CEP112: variants seen among roughly 807,000 people sequenced by gnomAD.
CEP112 encodes centrosomal protein of 112 kDa.
A neutral mutation model predicts 153.0 loss-of-function variants in CEP112; 127 were observed. That is an observed-to-expected ratio of 0.83 (90% CI 0.72 to 0.96). The LOEUF is 0.96. Among genes scored for constraint, CEP112 ranks in the 40% least tolerant of loss-of-function variants. The pLI, the probability that CEP112 is intolerant of heterozygous loss-of-function variation, is 0.00. For missense variants in CEP112, 1,089 were observed against 1,101.2 expected, an observed-to-expected ratio of 0.99 and a Z score of 0.16; for synonymous variants, 358 against 374.4, an observed-to-expected ratio of 0.96 and a Z score of 0.51.
rs116987614 is a variant in CEP112 at position 65,685,914 on chromosome 17, C to T, written c.2697+3215G>A. On this transcript the variant is annotated intron_variant, in intron 24 of 26. Transcript: ENST00000535342. ...TCTCAAACTCCTAACCTCAGGTGAT[C>T]GGCTTTCCAAAGTGCTGGTATTACA... 2.4e-3 allele frequency among the ~76,000 whole-genome samples: 361 copies of T among 152,102 alleles called. 8 individuals are homozygous for T. The East Asian group carries it at 0.046, about 20-fold the overall frequency.
chr17:65,970,919 G>T (rs2062738831), intron 17 of CEP112, among the ~76,000 whole-genome samples: 1 of 89,710 alleles, frequency 1.1e-5, no homozygotes, highest in Non-Finnish European at 2.3e-5. Context: ...TATGTTGCAT[G>T]TATGCAGTTA....
At chr17:66,097,581 C>A (rs917560202) in intron 6 of CEP112, among the ~76,000 whole-genome samples, 2 of 152,138 alleles carry the variant, frequency 1.3e-5, no homozygotes, top group African/African-American at 4.8e-5. Flanking sequence ...ATCCTATGTC[C>A]ACTCTCTCAT....
intron 4 of CEP112, among the ~76,000 whole-genome samples, chr17:66,140,216 A>C (rs1347639864): frequency 6.6e-6 from 1 of 152,128 alleles, no homozygotes; most frequent in Non-Finnish European, 1.5e-5. Flanking sequence ...AGCATGACGA[A>C]ATTCAATATT....
intron 10 of CEP112, among the ~76,000 whole-genome samples, chr17:66,063,346 G>A (rs1399808701): frequency 6.6e-6 from 1 of 152,128 alleles, no homozygotes; most frequent in Admixed American, 6.6e-5. Context: ...GGAGTCCTCT[G>A]TTGCTTTGAG....
Position 66,141,935 on chromosome 17 carries a change from G to T in CEP112, c.471-9172C>A, listed in dbSNP as rs545246136. On this transcript the variant is annotated intron_variant, in intron 4 of 26. Coordinates refer to ENST00000535342, the MANE Select transcript of CEP112 (RefSeq NM_001199165.4). ...TGGATCATAAGGTAATTCTATTTTT[G>T]ATTTTTTGAGGAACTTCCACACTGT... Among the ~76,000 whole-genome samples the T allele has an allele frequency of 5.9e-5, 9 of 152,114 alleles. No homozygotes were observed. In the South Asian group the frequency reaches 1.7e-3, roughly 28 times the overall value.
intron 21 of CEP112, among the ~76,000 whole-genome samples, chr17:65,779,894 C>CTACTGAGTTTTCCATTAAACTCAG (rs949881521): frequency 8.5e-5 from 13 of 152,050 alleles, no homozygotes; most frequent in Non-Finnish European, 1.9e-4. Flanking sequence ...TATACTGGAC[C>CTACTGAGTTTTCCATTAAACTCAG]TACTGAGTTT....
At chr17:65,742,788 G>T (rs778056226) in intron 23 of CEP112, among the ~76,000 whole-genome samples, 2 of 152,224 alleles carry the variant, frequency 1.3e-5, no homozygotes, top group African/African-American at 2.4e-5. Context: ...ATTCCAAAGT[G>T]GTTCTCAAGA....
chr17:66,183,991 G>A (rs949058433), intron 1 of CEP112, among the ~76,000 whole-genome samples: 8 of 151,620 alleles, frequency 5.3e-5, no homozygotes, highest in African/African-American at 1.2e-4. Flanking sequence ...GCTCATGCCT[G>A]TAATCCCAGA....
At chr17:66,158,722 A>G (rs916863876) in intron 4 of CEP112, among the ~76,000 whole-genome samples, 14 of 152,360 alleles carry the variant, frequency 9.2e-5, no homozygotes, top group Admixed American at 6.5e-4. Flanking sequence ...GGAAATTTAT[A>G]GCACCAAATG....
intron 6 of CEP112, among the ~76,000 whole-genome samples, chr17:66,103,380 A>G (rs1464844308): frequency 6.6e-6 from 1 of 152,146 alleles, no homozygotes; most frequent in African/African-American, 2.4e-5. Context: ...AAGGAGGAGG[A>G]TAGAAAGAAA....
intron 20 of CEP112, among the ~76,000 whole-genome samples, chr17:65,867,936 AGGG>A (rs78673383): frequency 6.6e-6 from 1 of 151,578 alleles, no homozygotes. Flanking sequence ...ATAATGTTGA[AGGG>A]GAAAAAAAAC....
rs1014391483 is a variant in CEP112 at position 65,762,597 on chromosome 17, A to G, written c.2395-11873T>C. Among the ~76,000 whole-genome samples the G allele has an allele frequency of 6.6e-5, 10 of 151,888 alleles. No homozygotes were observed. In the East Asian group the frequency reaches 1.9e-3, roughly 29 times the overall value. On this transcript the variant is annotated intron_variant, in intron 21 of 26. Coordinates refer to ENST00000535342, the MANE Select transcript of CEP112 (RefSeq NM_001199165.4). Reference sequence around the variant, plus strand: ...TCTCCATGCTTCTTTTTTAAAACATATTTTTTACTGGTTGCCCTAGAGTTT... The same window carrying G: ...TCTCCATGCTTCTTTTTTAAAACATGTTTTTTACTGGTTGCCCTAGAGTTT...
intron 23 of CEP112, among the ~76,000 whole-genome samples, chr17:65,742,222 G>A (rs1353670801): frequency 1.3e-5 from 2 of 152,072 alleles, no homozygotes; most frequent in Non-Finnish European, 2.9e-5. Flanking sequence ...GCAGGAAAGG[G>A]CAGCTGTAAA....
chr17:65,902,006 G>GAAAAAAAAA (rs2059880406), intron 20 of CEP112, 146 bp downstream of exon 20: 8 of 243,254 alleles, frequency 3.3e-5, no homozygotes, highest in East Asian at 5.2e-5. Context: ...GGGTGGGGGG[G>GAAAAAAAAA]AGAAAAACAA....
intron 6 of CEP112, among the ~76,000 whole-genome samples, chr17:66,115,876 C>T (rs904327789): frequency 1.3e-5 from 2 of 152,132 alleles, no homozygotes; most frequent in Non-Finnish European, 2.9e-5. Context: ...GACTGAACCC[C>T]TGGTGTTTCA....
intron 21 of CEP112, among the ~76,000 whole-genome samples, chr17:65,787,304 AC>A (rs1310630222): frequency 6.6e-6 from 1 of 151,952 alleles, no homozygotes; most frequent in Non-Finnish European, 1.5e-5. Flanking sequence ...ACAAAGCAAG[AC>A]CCCCATCTCT....
intron 20 of CEP112, among the ~76,000 whole-genome samples, chr17:65,868,008 T>C (rs2058540588): frequency 1.3e-5 from 2 of 151,750 alleles, no homozygotes; most frequent in Non-Finnish European, 1.5e-5. Flanking sequence ...AATCGAAGTA[T>C]ATATTTATTA....
Position 65,668,522 on chromosome 17 carries a change from T to C in CEP112, c.2697+20607A>G, listed in dbSNP as rs537472054. ...TTTGTAGTTAAGTACTAAAAGTCTA[T>C]ATAATTCATAACCGCGAGGGCAGAG... is the stretch of plus-strand genomic sequence containing the variant. On this transcript the variant is annotated intron_variant, in intron 24 of 26. Coordinates refer to ENST00000535342, the MANE Select transcript of CEP112 (RefSeq NM_001199165.4). 4.6e-5 allele frequency among the ~76,000 whole-genome samples: 7 copies of C among 152,306 alleles called. No individual in the cohort carries two copies. The East Asian group carries it at 9.7e-4, about 21-fold the overall frequency.
intron 24 of CEP112, among the ~76,000 whole-genome samples, chr17:65,687,065 T>C (rs933374350): frequency 2.0e-5 from 3 of 152,108 alleles, no homozygotes; most frequent in Non-Finnish European, 4.4e-5. Flanking sequence ...TGATCTTACA[T>C]GGTTATTGTG....
Sources: gnomAD v4.1 joint callset for allele counts (sites outside exome capture counted in the v4.1 genomes callset) on GRCh38, gnomAD v4.1.1 for gene constraint, MANE v1.5 for transcripts, NCBI Gene and HGNC (gene_info 2026-07-23, HGNC 2026-07-21) for gene names.